The following PCSK4 variants were observed in gnomAD, a reference collection of about 807,000 sequenced individuals.
PCSK4 encodes testicular tissue protein Li 135.
PCSK4 carries 64 observed loss-of-function variants against 80.3 expected under a neutral mutation model. The observed-to-expected ratio is 0.80, with a 90% CI of 0.65 to 0.98. PCSK4 has a LOEUF of 0.98. PCSK4 is among the 50% of genes least tolerant of loss of function. PCSK4 has a pLI of 0.00. For synonymous variants in PCSK4, 561 were observed against 487.6 expected (o/e 1.15, Z -1.98); for missense variants, 1,213 against 1,093.6 (o/e 1.11, Z -1.54).
At chr19:1,484,125 G>T in exon 9 of PCSK4, 1 of 1,550,952 alleles carries the variant, frequency 6.4e-7, no homozygotes, top group Non-Finnish European at 8.7e-7. Flanking sequence ...GGTCCGTGGT[G>T]ACCTGAGGGC....
intron 1 of PCSK4, 22 bp downstream of exon 1, chr19:1,490,136 C>T: frequency 6.2e-7 from 1 of 1,612,778 alleles, no homozygotes; most frequent in Non-Finnish European, 8.5e-7. Context: ...CCCCACTTCC[C>T]GTCTATCCCG....
chr19:1,487,082 G>C lies in PCSK4; in HGVS notation c.856-17C>G. 1 of 1,602,992 alleles carries C rather than the reference G, an allele frequency of 6.2e-7. No homozygotes were observed. Among genetic ancestry groups the C allele is most frequent in the South Asian group, 1.1e-5 (1 of 90,974 alleles). ...GCCGCGGCCCTGGGAAACCAGGAGG[G>C]GCGGGGAGGGGGCGTCGGCCTGGCC... On this transcript the variant is annotated splice_polypyrimidine_tract_variant and intron_variant, in intron 7 of 14. Transcript: ENST00000300954.
exon 15 of PCSK4, chr19:1,481,445 T>G: frequency 1.9e-5 from 5 of 256,834 alleles, no homozygotes; most frequent in Non-Finnish European, 3.0e-5. Context: ...TAAGCAACCT[T>G]TATTTGCAAA....
chr19:1,483,049 G>T, intron 12 of PCSK4, 29 bp from the exon 13 acceptor site: 1 of 1,364,528 alleles, frequency 7.3e-7, no homozygotes. Context: ...TGGGGGTGGG[G>T]GTGTCAAGAG....
chr19:1,481,809 C>T (rs756231506), exon 15 of PCSK4: 1 of 1,526,824 alleles, frequency 6.5e-7, no homozygotes, highest in East Asian at 2.3e-5. Flanking sequence ...GTGGCCCTGG[C>T]ACGGGAGAGC....
At chr19:1,489,707 A>C in intron 2 of PCSK4, 86 bp downstream of exon 2, 6 of 1,529,912 alleles carry the variant, frequency 3.9e-6, no homozygotes, top group Non-Finnish European at 5.3e-6. Flanking sequence ...TGTTCATAAC[A>C]ACCACGAGAA....
chr19:1,483,256 C>T (rs772033467), intron 12 of PCSK4, 28 bp downstream of exon 12: 23 of 1,524,292 alleles, frequency 1.5e-5, no homozygotes, highest in African/African-American at 4.1e-5. Flanking sequence ...GGCATGAGGC[C>T]GCCCCCTCTC....
exon 15 of PCSK4, chr19:1,482,068 A>G: frequency 6.4e-7 from 1 of 1,555,116 alleles, no homozygotes; most frequent in Admixed American, 1.9e-5. Context: ...AGCAGGAGGC[A>G]TGGCAGCTGG....
chr19:1,486,787 C>A (rs2084639167), intron 8 of PCSK4, 66 bp downstream of exon 8: 12 of 1,341,530 alleles, frequency 8.9e-6, no homozygotes, highest in Non-Finnish European at 1.2e-5. Flanking sequence ...GTGGTGGGGA[C>A]AGGAGGAGGC....
chr19:1,483,442 G>A (rs2084417470), exon 12 of PCSK4: 10 of 1,595,920 alleles, frequency 6.3e-6, no homozygotes, highest in African/African-American at 1.3e-5. Flanking sequence ...TTTCCCTGAT[G>A]TAGATCAGCG....
exon 8 of PCSK4, chr19:1,487,008 A>G: frequency 6.2e-7 from 1 of 1,609,334 alleles, no homozygotes; most frequent in African/African-American, 1.3e-5. Context: ...CAGTTGTCGT[A>G]GTGCAGGCCG....
chr19:1,486,689 C>T (rs1487577413), intron 8 of PCSK4, among the ~76,000 whole-genome samples, 164 bp downstream of exon 8: 1 of 152,150 alleles, frequency 6.6e-6, no homozygotes, highest in East Asian at 1.9e-4. Context: ...GCCTTAGCCT[C>T]CCAAAGTGCT....
chr19:1,484,268 G>A (rs2084486274), intron 8 of PCSK4, 141 bp from the exon 9 acceptor site: 1 of 570,292 alleles, frequency 1.8e-6, no homozygotes, highest in African/African-American at 1.9e-5. Context: ...CGGGCGTGTT[G>A]TCTGAGGTCA....
At chr19:1,484,985 GA>G (rs1051804630) in intron 8 of PCSK4, among the ~76,000 whole-genome samples, 1 of 148,402 alleles carries the variant, frequency 6.7e-6, no homozygotes, top group African/African-American at 2.5e-5. Context: ...GTCTCTACAG[GA>G]AAAATACAAG....
At chr19:1,487,282 A>G (rs1175974376) in exon 7 of PCSK4, 2 of 1,599,700 alleles carry the variant, frequency 1.3e-6, no homozygotes, top group African/African-American at 2.7e-5. Context: ...CCTCGATGAC[A>G]TCGGTGATGG....
At chr19:1,489,646 G>C in intron 2 of PCSK4, 147 bp downstream of exon 2, 1 of 1,374,786 alleles carries the variant, frequency 7.3e-7, no homozygotes, top group Non-Finnish European at 9.7e-7. Context: ...GCCTCCTCTT[G>C]CTGTATAGAC....
intron 11 of PCSK4, 40 bp from the exon 12 acceptor site, chr19:1,483,503 TG>T (rs754568709): frequency 3.4e-5 from 17 of 494,162 alleles, no homozygotes; most frequent in Admixed American, 9.7e-5. Context: ...TGCGGCCTGC[TG>T]GGGGGTGGGT....
chr19:1,482,330 G>A, intron 14 of PCSK4, 23 bp downstream of exon 14: 1 of 1,536,190 alleles, frequency 6.5e-7, no homozygotes, highest in Non-Finnish European at 8.7e-7. Context: ...CCCAGCAGTG[G>A]GCCCTGCCCC....
intron 8 of PCSK4, among the ~76,000 whole-genome samples, chr19:1,485,288 G>A (rs1297085454): frequency 3.9e-5 from 6 of 152,076 alleles, no homozygotes; most frequent in Non-Finnish European, 1.5e-5. Context: ...AATTAGCCGG[G>A]CATGGTGGCG....
Sources: allele counts gnomAD v4.1 joint callset (sites outside exome capture counted in the v4.1 genomes callset), GRCh38; gene constraint gnomAD v4.1.1; transcripts MANE v1.5; gene names NCBI Gene and HGNC (gene_info 2026-07-23, HGNC 2026-07-21).